Variants in SV2A observed in about 807,000 individuals in gnomAD.
The protein encoded by SV2A is solute carrier family 22 member B1.
Under a neutral mutation model 78.0 loss-of-function variants are expected in SV2A, and 25 were observed. The observed-to-expected ratio is 0.32, with a 90% CI of 0.23 to 0.45. The LOEUF is 0.45. Among genes scored for constraint, SV2A ranks in the 20% least tolerant of loss-of-function variants. SV2A has a pLI of 1.00. For synonymous variants in SV2A, 355 were observed against 384.7 expected (o/e 0.92, Z 0.90); for missense variants, 752 against 971.5 (o/e 0.77, Z 3.00).
rs782532343 is a variant in SV2A, at chr1:149,909,468, C to T, written c.1283G>A (p.Gly428Glu). The T allele has an allele frequency of 5.6e-6, 9 of 1,613,714 alleles. No homozygotes were observed. Among genetic ancestry groups the T allele is most frequent in the East Asian group, 2.2e-5 (1 of 44,874 alleles). ...CACCCCGTCCACCATTACCTGCCCC[C>T]CTAGGCTCAAGGCCCGGACCCCCCA... ...QRWGVRALSLGGQVWGNFLSC... is the reference protein window; with the variant it reads ...QRWGVRALSLEGQVWGNFLSC... The change falls in exon 7 of 13, where the codon GGG (glycine) becomes GAG (glutamate). Residue 428 changes from glycine to glutamate, a missense_variant. Around this residue, in one of 7 missense-constraint regions of SV2A, gnomAD observed 136 missense variants for 132.3 expected, o/e 1.03. Coordinates refer to ENST00000369146, the MANE Select transcript of SV2A (RefSeq NM_014849.5).
intron 12 of SV2A, 173 bp from the exon 13 acceptor site, chr1:149,905,370 A>T: frequency 1.7e-6 from 1 of 583,220 alleles, no homozygotes; most frequent in Non-Finnish European, 2.9e-6. Flanking sequence ...AAATAAATTG[A>T]GAGACAAAGG....
chr1:149,907,018 A>T, intron 10 of SV2A, 162 bp from the exon 11 acceptor site: 3 of 1,454,722 alleles, frequency 2.1e-6, no homozygotes, highest in Non-Finnish European at 2.7e-6. Flanking sequence ...TCACCATGGG[A>T]ACTAGGGATC....
At chr1:149,906,165 A>G (rs932490521) in intron 11 of SV2A, 126 bp from the exon 12 acceptor site, 2 of 1,129,084 alleles carry the variant, frequency 1.8e-6, no homozygotes, top group Non-Finnish European at 2.5e-6. Flanking sequence ...GTATCCAACC[A>G]AGGTATCCAA....
At position 149,910,644 on chromosome 1, in the gene SV2A, C is replaced by T. The variant is rs587611211; in HGVS notation, c.1015G>A (p.Val339Ile). 15 of 1,613,786 alleles carry T rather than the reference C, an allele frequency of 9.3e-6. No individual in the cohort carries two copies. Among genetic ancestry groups the T allele is most frequent in the East Asian group, 6.7e-5 (3 of 44,862 alleles). Residue 339 changes from valine (V) to isoleucine (I), a missense_variant, in exon 5 of 13, where the codon GTC becomes ATC. Around this residue, in one of 7 missense-constraint regions of SV2A, gnomAD observed 43 missense variants for 70.8 expected, o/e 0.61. Transcript: ENST00000369146. The surrounding 1 kb of genome is among the most constrained non-coding windows in gnomAD (Gnocchi z 4.2). The stretch of plus-strand genomic sequence containing the variant: ...GCAAACACAGAAGGAAAGGCGCAGA[C>T]GAGGACGAAGACCCTCCAGCTGTGG... ...QFHSWRVFVL[V>I]CAFPSVFAIG...
chr1:149,909,973 T>A, intron 5 of SV2A, 83 bp from the exon 6 acceptor site: 1 of 1,336,070 alleles, frequency 7.5e-7, no homozygotes, highest in South Asian at 1.2e-5. Context: ...CCACCTGGCT[T>A]CTGTAGTCAC....
In SV2A at chr1:149,908,216, C is replaced by T. The variant is rs1440323421; in HGVS notation, c.1380-10G>A. On this transcript the variant is annotated splice_polypyrimidine_tract_variant and intron_variant, in intron 8 of 12. Transcript: ENST00000369146. ...GGTCAGGCCATAGTAGCTGAAGAGT[C>T]AAGGACAATGGAAACAGACAACAGG... 2 of 1,608,450 alleles carry T rather than the reference C, an allele frequency of 1.2e-6. No homozygotes were observed. Among genetic ancestry groups the T allele is most frequent in the African/African-American group, 2.7e-5 (2 of 74,754 alleles).
chr1:149,909,269 A>G lies in SV2A; in HGVS notation c.1302T>C (p.Asn434=). Residue 434 remains asparagine (N), a synonymous_variant, in exon 8 of 13, where the codon AAT becomes AAC. Coordinates refer to ENST00000369146, the MANE Select transcript of SV2A (RefSeq NM_014849.5). ...ALSLGGQVWG[N]FLSCFGPEYR... is the part of the protein sequence containing the mutation. ...ATTCGGGACCAAAACAGGAGAGAAA[A>G]TTCCCCCAAACCTACAGGGGACCAG... 6.2e-7 allele frequency: 1 copy of G among 1,613,954 alleles called. No individual in the cohort carries two copies. The highest frequency in any genetic ancestry group is 8.5e-7 in the Non-Finnish European group (1 of 1,179,990).
In SV2A at chr1:149,904,954, GA is replaced by G; in HGVS notation, c.*59del. Reference sequence around the variant, plus strand: ...GGTCAGGATGGCAGGGCAGGGAGGGGAAGGAAGGAGTTGTTGGTCTCACAGT... The same window carrying G: ...GGTCAGGATGGCAGGGCAGGGAGGGGAGGAAGGAGTTGTTGGTCTCACAGT... On this transcript the variant is annotated 3_prime_UTR_variant, in exon 13 of 13. Coordinates refer to ENST00000369146, the MANE Select transcript of SV2A (RefSeq NM_014849.5). The G allele has an allele frequency of 1.3e-6, 2 of 1,512,324 alleles. No homozygotes were observed. The highest frequency in any genetic ancestry group is 1.8e-6 in the Non-Finnish European group (2 of 1,121,948). The allele number at this position is 1,512,324 out of a possible 1,614,324, so 93.7% of individuals were successfully genotyped here.
chr1:149,908,203 G>A lies in SV2A; in HGVS notation c.1383C>T (p.Tyr461=). ...CAGGAAACCAGACGGTCAGGCCATAGTAGCTGAAGAGTCAAGGACAATGGA... is the reference window on the plus strand; with the variant it reads ...CAGGAAACCAGACGGTCAGGCCATAATAGCTGAAGAGTCAAGGACAATGGA... ...MGVWFTMSFS[Y]YGLTVWFPDM... The change falls in exon 9 of 13, where the codon TAC becomes TAT. Residue 461 remains tyrosine (Y), a synonymous_variant. Coordinates refer to ENST00000369146, the MANE Select transcript of SV2A (RefSeq NM_014849.5). 2.5e-6 allele frequency: 4 copies of A among 1,613,524 alleles called. No homozygotes were observed. The highest frequency in any genetic ancestry group is 2.5e-6 in the Non-Finnish European group (3 of 1,179,564).
At position 149,903,824 on chromosome 1, in the gene SV2A, G is replaced by A. The variant is rs1334433017; in HGVS notation, c.*1190C>T. ...GGCAGCCTAACCTACAGAGGCTATT[G>A]TGTGGAAGGGTAAAATGGGGAAACT... is the stretch of plus-strand genomic sequence containing the variant. On this transcript the variant is annotated 3_prime_UTR_variant, in exon 13 of 13. Coordinates refer to ENST00000369146, the MANE Select transcript of SV2A (RefSeq NM_014849.5). 1.3e-5 allele frequency: 2 copies of A among 152,662 alleles called. No homozygotes were observed. The highest frequency in any genetic ancestry group is 3.9e-4 in the East Asian group (2 of 5,194). 9.5% of individuals were successfully genotyped at this position (152,662 alleles called of 1,614,324 possible). A position where few individuals can be genotyped will look rare whatever the true frequency, so the allele number is the denominator to read the frequency against.
chr1:149,913,708 A>G lies in SV2A; in HGVS notation c.133T>C (p.Ser45Pro), dbSNP rs2092492449. 6.2e-7 allele frequency: 1 copy of G among 1,613,868 alleles called. No individual in the cohort carries two copies. The part of the protein sequence containing the change: ...DRVQDEYSRR[S>P]YSRFEEEDDD... ...TCCTCCTCCTCAAAGCGGGAGTACG[A>G]TCTTCGGGAATATTCGTCCTGGACT... The change falls in exon 2 of 13, where the codon TCG (serine) becomes CCG (proline). Residue 45 changes from serine to proline, a missense_variant. Ser to Pro is a moderately conservative substitution (Grantham distance 74). Coordinates refer to ENST00000369146, the MANE Select transcript of SV2A (RefSeq NM_014849.5).
chr1:149,904,910 G>T lies in SV2A; in HGVS notation c.*104C>A. ...AGCTAAGACACCAAACACGGGGAGT[G>T]GGGAGTGAGGGCTCTGGAGGTCAGG... On this transcript the variant is annotated 3_prime_UTR_variant, in exon 13 of 13. Coordinates refer to ENST00000369146, the MANE Select transcript of SV2A (RefSeq NM_014849.5). The T allele has an allele frequency of 7.9e-7, 1 of 1,269,584 alleles. No homozygotes were observed. The highest frequency in any genetic ancestry group is 1.1e-6 in the Non-Finnish European group (1 of 922,592). 78.6% of individuals were successfully genotyped at this position (1,269,584 alleles called of 1,614,324 possible).
Position 149,909,680 on chromosome 1 carries a change from G to T in SV2A, c.1180-109C>A. 3 of 1,437,230 alleles carry T rather than the reference G, an allele frequency of 2.1e-6. No homozygotes were observed. The Admixed American group carries it at 5.2e-5, about 25-fold the overall frequency. 89.0% of individuals were successfully genotyped at this position (1,437,230 alleles called of 1,614,324 possible). A position where few individuals can be genotyped will look rare whatever the true frequency, so the allele number is the denominator to read the frequency against. The stretch of plus-strand genomic sequence containing the variant: ...AAAATGGGAGGCAGGAGGTGGATAT[G>T]ATACCCTGAAAATCTCCTTACGGTA... On this transcript the variant is annotated intron_variant, in intron 6 of 12. Coordinates refer to ENST00000369146, the MANE Select transcript of SV2A (RefSeq NM_014849.5).
chr1:149,906,145 T>A, intron 11 of SV2A, 106 bp from the exon 12 acceptor site: 1 of 1,385,788 alleles, frequency 7.2e-7, no homozygotes, highest in Non-Finnish European at 9.8e-7. Context: ...GGATGAGACT[T>A]GTTCCGAAGG....
At chr1:149,908,747 C>T (rs1025792505) in intron 8 of SV2A, among the ~76,000 whole-genome samples, 1 of 152,330 alleles carries the variant, frequency 6.6e-6, no homozygotes, top group East Asian at 1.9e-4. Flanking sequence ...ACACCATTCT[C>T]CTGCCTCAGC....
Position 149,905,170 on chromosome 1 carries a change from G to C in SV2A, c.2073C>G (p.Ala691=). 2.5e-6 allele frequency: 4 copies of C among 1,610,828 alleles called. No individual in the cohort carries two copies. Among genetic ancestry groups the C allele is most frequent in the Non-Finnish European group, 2.5e-6 (3 of 1,178,594 alleles). Residue 691 remains alanine (A), a synonymous_variant, in exon 13 of 13, where the codon GCC becomes GCG. Transcript: ENST00000369146. ...KRTTAFGFLN[A]LCKLAAVLGI... is the part of the protein sequence containing the mutation. ...CCAGCACAGCTGCCAGCTTACACAG[G>C]GCATTCAGGAAGCCAAAAGCTGTGG...
rs2092465682 is a variant in SV2A at position 149,910,038 on chromosome 1, GC to G, written c.1090-149del. 2.8e-6 allele frequency: 2 copies of G among 708,782 alleles called. No individual in the cohort carries two copies. The allele number at this position is 708,782 out of a possible 1,614,324, so 43.9% of individuals were successfully genotyped here. A position where few individuals can be genotyped will look rare whatever the true frequency, so the allele number is the denominator to read the frequency against. ...CCCACCACCAAGCCCTGACCTATGGGCATGCACTCACCACTCTGAAAGAGCC... is the reference window on the plus strand; with the variant it reads ...CCCACCACCAAGCCCTGACCTATGGGATGCACTCACCACTCTGAAAGAGCC... On this transcript the variant is annotated intron_variant, in intron 5 of 12. Coordinates refer to ENST00000369146, the MANE Select transcript of SV2A (RefSeq NM_014849.5). The surrounding 1 kb of genome is among the most constrained non-coding windows in gnomAD (Gnocchi z 4.2).
At position 149,905,187 on chromosome 1, in the gene SV2A, A is replaced by T; in HGVS notation, c.2056T>A (p.Phe686Ile). 6.2e-7 allele frequency: 1 copy of T among 1,608,566 alleles called. No homozygotes were observed. The highest frequency in any genetic ancestry group is 8.5e-7 in the Non-Finnish European group (1 of 1,177,516). The part of the protein sequence containing the change: ...LYPSDKRTTA[F>I]GFLNALCKLA... ...TTACACAGGGCATTCAGGAAGCCAA[A>T]AGCTGTGGTCCTGCTCAGGAGTCCC... Residue 686 changes from phenylalanine (F) to isoleucine (I), a missense_variant, in exon 13 of 13, where the codon TTT becomes ATT. Coordinates refer to ENST00000369146, the MANE Select transcript of SV2A (RefSeq NM_014849.5).
intron 1 of SV2A, among the ~76,000 whole-genome samples, chr1:149,914,429 C>T (rs918670287): frequency 6.6e-6 from 1 of 152,170 alleles, no homozygotes; most frequent in African/African-American, 2.4e-5. Flanking sequence ...TCCAAAGTCG[C>T]AGTCACCTAC....
Sources: gnomAD v4.1 joint callset for allele counts (sites outside exome capture counted in the v4.1 genomes callset) on GRCh38, gnomAD v4.1.1 for gene constraint, gnomAD v4.1.1 regional missense constraint, Gnocchi (gnomAD v3.1) non-coding constraint, MANE v1.5 for transcripts, NCBI Gene and HGNC (gene_info 2026-07-23, HGNC 2026-07-21) for gene names.